TLK2: variants seen among roughly 807,000 people sequenced by gnomAD.
TLK2 encodes the protein serine/threonine-protein kinase tousled-like 2.
In TLK2, 6 loss-of-function variants were observed where a neutral mutation model predicts 117.3. The observed-to-expected ratio is 0.05, with a 90% confidence interval of 0.03 to 0.10. TLK2 has a LOEUF of 0.10. TLK2 is among the 10% of genes least tolerant of loss of function. The pLI, the probability that TLK2 is intolerant of heterozygous loss-of-function variation, is 1.00. For missense variants in TLK2, 299 were observed against 901.2 expected (o/e 0.33, Z 8.56); for synonymous variants, 257 against 316.7 (o/e 0.81, Z 2.00).
In TLK2 at chr17:62,600,474, GTT is replaced by G. The variant is rs1433910652; in HGVS notation, c.1551-175_1551-174del. On this transcript the variant is annotated intron_variant, in intron 17 of 21. Transcript: ENST00000346027. The stretch of plus-strand genomic sequence containing the variant: ...TGGAAACTCTTCAAGAGAATAAGCA[GTT>G]TCTTACCAGAAACCCCTCAGCTAAT... 4 of 556,068 alleles carry G rather than the reference GTT, an allele frequency of 7.2e-6. No individual in the cohort carries two copies. In the Admixed American group the frequency reaches 1.5e-4, roughly 20 times the overall value. 34.4% of individuals were successfully genotyped at this position (556,068 alleles called of 1,614,324 possible). A position where few individuals can be genotyped will look rare whatever the true frequency, so the allele number is the denominator to read the frequency against.
At chr17:62,608,280 T>A in intron 21 of TLK2, 132 bp downstream of exon 21, 1 of 698,606 alleles carries the variant, frequency 1.4e-6, no homozygotes, top group South Asian at 1.9e-5. Context: ...TAGGCATGAA[T>A]TAATGTTCCT....
chr17:62,513,246 A>G (rs1411188024), intron 2 of TLK2, among the ~76,000 whole-genome samples: 5 of 145,994 alleles, frequency 3.4e-5, no homozygotes, highest in African/African-American at 5.1e-5. Context: ...TGTTTTGCCT[A>G]TGCATCTAGT....
chr17:62,482,365 A>G (rs548267213), intron 2 of TLK2, among the ~76,000 whole-genome samples: 60 of 151,666 alleles, frequency 4.0e-4, no homozygotes, highest in Non-Finnish European at 7.1e-4. Flanking sequence ...TTCTCCAAGG[A>G]GAAGGCGTGT....
intron 2 of TLK2, among the ~76,000 whole-genome samples, chr17:62,510,285 C>T (rs1366061352): frequency 2.0e-5 from 3 of 152,098 alleles, no homozygotes; most frequent in Non-Finnish European, 2.9e-5. Context: ...AAAAATTACC[C>T]AGTCTCAGGC....
At chr17:62,604,489 GA>G (rs1477266328) in intron 19 of TLK2, among the ~76,000 whole-genome samples, 3 of 152,072 alleles carry the variant, frequency 2.0e-5, no homozygotes, top group Non-Finnish European at 2.9e-5. Context: ...TAGTAAGTTA[GA>G]ATGCTTATTA....
chr17:62,574,457 A>G, intron 12 of TLK2: 1 of 876,718 alleles, frequency 1.1e-6, no homozygotes. Context: ...AAGTATAGCG[A>G]TAAAAATGTG....
chr17:62,562,203 T>A (rs2079339625), intron 10 of TLK2, among the ~76,000 whole-genome samples: 3 of 152,000 alleles, frequency 2.0e-5, no homozygotes, highest in Admixed American at 6.6e-5. Context: ...CTACTAAAAA[T>A]ACAAAAATTG....
At chr17:62,511,090 T>C (rs911399812) in intron 2 of TLK2, among the ~76,000 whole-genome samples, 1 of 152,194 alleles carries the variant, frequency 6.6e-6, no homozygotes, top group Non-Finnish European at 1.5e-5. Flanking sequence ...AACCAAAAAA[T>C]TGACATTGGT....
At chr17:62,566,006 A>G (rs1263148309) in intron 11 of TLK2, among the ~76,000 whole-genome samples, 1 of 152,164 alleles carries the variant, frequency 6.6e-6, no homozygotes, top group East Asian at 1.9e-4. Flanking sequence ...TGCAGCTTGG[A>G]ATCTTGAACA....
chr17:62,566,167 TA>T (rs1300360635), intron 11 of TLK2, among the ~76,000 whole-genome samples: 1 of 152,222 alleles, frequency 6.6e-6, no homozygotes, highest in Non-Finnish European at 1.5e-5. Flanking sequence ...CAGATTGCAG[TA>T]CCTTTTGGTG....
At chr17:62,582,326 ACC>A (rs2081281451) in intron 15 of TLK2, among the ~76,000 whole-genome samples, 1 of 151,982 alleles carries the variant, frequency 6.6e-6, no homozygotes, top group East Asian at 1.9e-4. Context: ...AGTGATCTTC[ACC>A]CCTCAGTCTT....
At chr17:62,504,972 T>C (rs2074546707) in intron 2 of TLK2, among the ~76,000 whole-genome samples, 1 of 152,026 alleles carries the variant, frequency 6.6e-6, no homozygotes, top group Non-Finnish European at 1.5e-5. Context: ...ACCACCTGAA[T>C]AGCTGGGACT....
chr17:62,600,501 T>C lies in TLK2; in HGVS notation c.1551-150T>C, dbSNP rs2082799452. 4.5e-6 allele frequency: 3 copies of C among 659,950 alleles called. No homozygotes were observed. In the East Asian group the frequency reaches 8.6e-5, roughly 19 times the overall value. 40.9% of individuals were successfully genotyped at this position (659,950 alleles called of 1,614,324 possible). On this transcript the variant is annotated intron_variant, in intron 17 of 21. Transcript: ENST00000346027. ...TTCTTACCAGAAACCCCTCAGCTAA[T>C]ACTGAATAAACAATTGAAGAGTATT... is the stretch of plus-strand genomic sequence containing the variant.
intron 2 of TLK2, among the ~76,000 whole-genome samples, chr17:62,505,269 G>T (rs1373505708): frequency 6.6e-6 from 1 of 152,030 alleles, no homozygotes; most frequent in African/African-American, 2.4e-5. Context: ...TTAGAGGCAG[G>T]ATCTTACTCT....
intron 15 of TLK2, among the ~76,000 whole-genome samples, chr17:62,580,947 G>A (rs1255306867): frequency 6.6e-6 from 1 of 152,044 alleles, no homozygotes; most frequent in Admixed American, 6.6e-5. Context: ...AGTTTTCATT[G>A]CAAATAAAAA....
intron 14 of TLK2, 41 bp downstream of exon 14, chr17:62,578,615 C>A: frequency 6.9e-7 from 1 of 1,448,374 alleles, no homozygotes; most frequent in Non-Finnish European, 9.7e-7. Flanking sequence ...GATTGCTAAG[C>A]ATTTTATGAT....
At chr17:62,501,502 G>A (rs2074192105) in intron 2 of TLK2, among the ~76,000 whole-genome samples, 1 of 152,078 alleles carries the variant, frequency 6.6e-6, no homozygotes, top group African/African-American at 2.4e-5. Context: ...TTTGGCCAAG[G>A]TGGGCCAATT....
At chr17:62,524,803 C>A (rs2076266178) in intron 6 of TLK2, among the ~76,000 whole-genome samples, 1 of 152,078 alleles carries the variant, frequency 6.6e-6, no homozygotes, top group African/African-American at 2.4e-5. Flanking sequence ...AAACATTATA[C>A]CTAAGTTAAT....
At chr17:62,478,316 G>T (rs2071160893), upstream of TLK2, among the ~76,000 whole-genome samples, 1 of 151,358 alleles carries the variant, frequency 6.6e-6, no homozygotes, top group Admixed American at 6.6e-5. Flanking sequence ...TCGCGGAGCC[G>T]AGGGGCTGGG....
Sources: allele counts gnomAD v4.1 joint callset (sites outside exome capture counted in the v4.1 genomes callset), GRCh38; gene constraint gnomAD v4.1.1; transcripts MANE v1.5; gene names NCBI Gene and HGNC (gene_info 2026-07-23, HGNC 2026-07-21).